ADGRL3: variants seen among roughly 807,000 people sequenced by gnomAD.
ADGRL3 encodes adhesion G protein-coupled receptor L3.
A neutral mutation model predicts 153.5 loss-of-function variants in ADGRL3; 62 were observed. That is an observed-to-expected ratio of 0.40 (90% CI 0.33 to 0.50). The LOEUF is 0.50. ADGRL3 is among the 20% of genes least tolerant of loss of function. The pLI is 0.47. For synonymous variants in ADGRL3, 710 were observed against 672.5 expected, an observed-to-expected ratio of 1.06 and a Z score of -0.86; for missense variants, 1,641 against 1,859.4, an observed-to-expected ratio of 0.88 and a Z score of 2.16.
At chr4:61,973,877 A>T (rs1322520768) in intron 17 of ADGRL3, among the ~76,000 whole-genome samples, 2 of 152,208 alleles carry the variant, frequency 1.3e-5, no homozygotes, top group Admixed American at 1.3e-4. Flanking sequence ...TAAAAGTCAT[A>T]AGTGCAATTG....
At chr4:61,927,771 T>C (rs997753418) in intron 13 of ADGRL3, among the ~76,000 whole-genome samples, 1 of 152,054 alleles carries the variant, frequency 6.6e-6, no homozygotes, top group Admixed American at 6.6e-5. Context: ...TCAGTAATGA[T>C]TTTAAACTTT....
chr4:61,458,801 A>G (rs1353092735), intron 2 of ADGRL3, among the ~76,000 whole-genome samples: 1 of 151,388 alleles, frequency 6.6e-6, no homozygotes, highest in African/African-American at 2.4e-5. Flanking sequence ...GTTTTTCTAG[A>G]TGTTCTCTAG....
chr4:61,856,317 C>T (rs1433001562), intron 9 of ADGRL3, among the ~76,000 whole-genome samples: 1 of 150,710 alleles, frequency 6.6e-6, no homozygotes, highest in African/African-American at 2.4e-5. Context: ...TTCTTTATTT[C>T]CCTTCCTTTC....
At chr4:61,589,700 A>G (rs1184142515) in intron 5 of ADGRL3, among the ~76,000 whole-genome samples, 2 of 152,072 alleles carry the variant, frequency 1.3e-5, no homozygotes, top group African/African-American at 4.8e-5. Context: ...AACCTTGTTT[A>G]AAAAGCCCAT....
intron 25 of ADGRL3, among the ~76,000 whole-genome samples, chr4:62,048,455 G>A (rs555391609): frequency 6.6e-6 from 1 of 152,066 alleles, no homozygotes; most frequent in African/African-American, 2.4e-5. Flanking sequence ...TAGAGACGGG[G>A]TTTCATCATG....
At chr4:61,973,066 C>A (rs1261629844) in intron 17 of ADGRL3, among the ~76,000 whole-genome samples, 1 of 151,606 alleles carries the variant, frequency 6.6e-6, no homozygotes. Context: ...TGTATCCCAT[C>A]TGGAAACACT....
intron 5 of ADGRL3, among the ~76,000 whole-genome samples, chr4:61,664,113 C>A (rs2094702060): frequency 6.6e-6 from 1 of 152,088 alleles, no homozygotes; most frequent in Admixed American, 6.5e-5. Context: ...TGCACAGTAT[C>A]CCTAAAAAGA....
At chr4:61,204,944 G>T (rs937772240) in intron 1 of ADGRL3, among the ~76,000 whole-genome samples, 1 of 152,084 alleles carries the variant, frequency 6.6e-6, no homozygotes, top group East Asian at 1.9e-4. Flanking sequence ...TCTTAATCAT[G>T]ATCTTCTTAA....
intron 8 of ADGRL3, among the ~76,000 whole-genome samples, chr4:61,744,939 C>A (rs1488571807): frequency 2.0e-5 from 3 of 152,042 alleles, no homozygotes; most frequent in Non-Finnish European, 4.4e-5. Flanking sequence ...GAAATTAAAA[C>A]CAAAGGCAAA....
At chr4:61,568,808 CT>C (rs1410828586) in intron 4 of ADGRL3, among the ~76,000 whole-genome samples, 4 of 152,166 alleles carry the variant, frequency 2.6e-5, no homozygotes, top group African/African-American at 9.6e-5. Context: ...TCTTTAACTC[CT>C]TTTTTCTCAT....
chr4:61,896,754 G>A (rs2098634001), intron 11 of ADGRL3, among the ~76,000 whole-genome samples: 1 of 152,102 alleles, frequency 6.6e-6, no homozygotes, highest in African/African-American at 2.4e-5. Flanking sequence ...CGTACTTGTT[G>A]CTATTCATAA....
intron 2 of ADGRL3, among the ~76,000 whole-genome samples, chr4:61,446,867 T>G (rs2643040): frequency 6.6e-6 from 1 of 152,118 alleles, no homozygotes; most frequent in African/African-American, 2.4e-5. Context: ...ATAATTGCAT[T>G]ACAATAAAAG....
chr4:61,696,411 AGT>A (rs1353683309), intron 6 of ADGRL3, among the ~76,000 whole-genome samples: 1 of 152,140 alleles, frequency 6.6e-6, no homozygotes, highest in Admixed American at 6.5e-5. Flanking sequence ...TGGTAGACTA[AGT>A]GTGAATTTAA....
chr4:61,767,746 T>A (rs1434673339), intron 8 of ADGRL3, among the ~76,000 whole-genome samples: 1 of 152,158 alleles, frequency 6.6e-6, no homozygotes, highest in Non-Finnish European at 1.5e-5. Context: ...ATTTCCGGCA[T>A]GTGTAGCAAG....
chr4:61,585,499 G>A lies in ADGRL3; in HGVS notation c.260-1728G>A, dbSNP rs374056087. On this transcript the variant is annotated intron_variant, in intron 4 of 26. Transcript: ENST00000683033. ...CCCTTCTTTTCACATTTCATGCTTC[G>A]TAAAAAAGCCACAAGAGAAGCACAT... 4.0e-5 allele frequency among the ~76,000 whole-genome samples: 6 copies of A among 151,582 alleles called. No individual in the cohort carries two copies. The South Asian group carries it at 6.2e-4, about 16-fold the overall frequency.
intron 21 of ADGRL3, among the ~76,000 whole-genome samples, chr4:62,001,769 CTTTT>C (rs998745196): frequency 3.3e-5 from 5 of 151,770 alleles, no homozygotes; most frequent in African/African-American, 1.2e-4. Context: ...ATCTGGAAAA[CTTTT>C]TTTTAGTATA....
intron 11 of ADGRL3, among the ~76,000 whole-genome samples, chr4:61,909,136 T>A (rs2149805945): frequency 6.6e-6 from 1 of 152,306 alleles, no homozygotes; most frequent in African/African-American, 2.4e-5. Context: ...AGCTGATGAG[T>A]ATTCACTGTG....
chr4:61,750,647 G>C (rs190017560), intron 8 of ADGRL3, among the ~76,000 whole-genome samples: 2 of 151,914 alleles, frequency 1.3e-5, no homozygotes, highest in Non-Finnish European at 2.9e-5. Flanking sequence ...AAATTTAGCC[G>C]GGCGTAGTGG....
At chr4:61,631,862 C>T (rs987905811) in intron 5 of ADGRL3, among the ~76,000 whole-genome samples, 2 of 151,686 alleles carry the variant, frequency 1.3e-5, no homozygotes, top group Non-Finnish European at 2.9e-5. Context: ...CTCCTGACCT[C>T]GTGATCTGCC....
Sources: allele counts gnomAD v4.1 joint callset (sites outside exome capture counted in the v4.1 genomes callset), GRCh38; gene constraint gnomAD v4.1.1; transcripts MANE v1.5; gene names NCBI Gene and HGNC (gene_info 2026-07-23, HGNC 2026-07-21).